The following LRBA variants were observed in gnomAD, a reference collection of about 807,000 sequenced individuals.
LRBA encodes LPS responsive beige-like anchor protein, also known as lipopolysaccharide-responsive and beige-like anchor protein.
In LRBA, 176 loss-of-function variants were observed where a neutral mutation model predicts 330.0. The observed-to-expected ratio is 0.53, with a 90% CI of 0.47 to 0.60. The LOEUF is 0.60. Among genes scored for constraint, LRBA ranks in the 20% least tolerant of loss-of-function variants. The probability of loss-of-function intolerance (pLI) is 0.00; values close to 1 mark genes in which losing one functional copy is unlikely to be tolerated. For missense variants in LRBA, 3,259 were observed against 3,444.8 expected (o/e 0.95, Z 1.35); for synonymous variants, 1,230 against 1,193.0 (o/e 1.03, Z -0.64).
intron 2 of LRBA, among the ~76,000 whole-genome samples, chr4:150,931,348 C>T (rs1200782625): frequency 2.0e-5 from 3 of 151,260 alleles, no homozygotes; most frequent in Non-Finnish European, 4.4e-5. Context: ...ATTAATAATG[C>T]TTGGCTGACG....
At chr4:150,624,301 C>T (rs1405740834) in intron 37 of LRBA, among the ~76,000 whole-genome samples, 1 of 85,288 alleles carries the variant, frequency 1.2e-5, no homozygotes, top group Non-Finnish European at 2.4e-5. Flanking sequence ...CCAAACCCTA[C>T]CTCCCTATCA....
chr4:150,634,732 T>C (rs1394055415), intron 37 of LRBA, among the ~76,000 whole-genome samples: 3 of 152,184 alleles, frequency 2.0e-5, no homozygotes, highest in Non-Finnish European at 2.9e-5. Context: ...TGTTCTGCAG[T>C]GGACAGGCAT....
At chr4:150,849,049 T>A (rs774749407) in intron 25 of LRBA, 51 bp from the exon 26 acceptor site, 123 of 1,239,912 alleles carry the variant, frequency 9.9e-5, no homozygotes, top group African/African-American at 7.9e-4. Flanking sequence ...GAAAAAAAAA[T>A]TTTACCAGAT....
chr4:150,675,830 AT>A (rs1252547782), intron 37 of LRBA, among the ~76,000 whole-genome samples: 1 of 152,182 alleles, frequency 6.6e-6, no homozygotes, highest in Non-Finnish European at 1.5e-5. Context: ...CACTATTATT[AT>A]AATTATTTAA....
chr4:150,335,073 G>A (rs1023365002), intron 48 of LRBA, among the ~76,000 whole-genome samples: 7 of 151,690 alleles, frequency 4.6e-5, no homozygotes, highest in Admixed American at 3.3e-4. Context: ...CAGGTGATCC[G>A]CCTGCCTCGG....
At chr4:150,315,896 C>G (rs1731659342) in intron 50 of LRBA, among the ~76,000 whole-genome samples, 1 of 152,156 alleles carries the variant, frequency 6.6e-6, no homozygotes, top group Non-Finnish European at 1.5e-5. Flanking sequence ...ACCTCTGATG[C>G]TGCAACAAAA....
intron 28 of LRBA, chr4:150,841,116 C>T (rs1478546488): frequency 6.9e-6 from 2 of 288,164 alleles, no homozygotes; most frequent in African/African-American, 2.3e-5. Flanking sequence ...TCTAGACATA[C>T]CCATGTTCTT....
At chr4:150,273,249 ACAAG>A (rs1746360774) in intron 56 of LRBA, among the ~76,000 whole-genome samples, 1 of 152,232 alleles carries the variant, frequency 6.6e-6, no homozygotes, top group African/African-American at 2.4e-5. Context: ...TCCTTTACAG[ACAAG>A]CAAGTGTTGA....
At chr4:150,849,757 T>C (rs1215571800) in intron 24 of LRBA, among the ~76,000 whole-genome samples, 182 bp from the exon 25 acceptor site, 1 of 152,210 alleles carries the variant, frequency 6.6e-6, no homozygotes, top group East Asian at 1.9e-4. Context: ...TCCATATCAG[T>C]AGTTACTATC....
At chr4:150,474,346 T>C (rs1302854496) in intron 42 of LRBA, among the ~76,000 whole-genome samples, 3 of 152,168 alleles carry the variant, frequency 2.0e-5, no homozygotes, top group African/African-American at 7.2e-5. Context: ...CTTTGTACAA[T>C]TACCACAATT....
intron 17 of LRBA, among the ~76,000 whole-genome samples, chr4:150,885,200 CAAAA>C (rs34720483): frequency 2.6e-5 from 3 of 114,504 alleles, no homozygotes; most frequent in Non-Finnish European, 5.3e-5. Flanking sequence ...ACAAGAGTTC[CAAAA>C]AAAAAAAAAA....
chr4:150,346,757 C>CCAAAAAAAAAAAAAAAAAAAAAAAAAA (rs1206950764), intron 48 of LRBA, among the ~76,000 whole-genome samples: 4 of 66,134 alleles, frequency 6.0e-5, no homozygotes, highest in African/African-American at 2.3e-4. Context: ...GACTCTGTCT[C>CCAAAAAAAAAAAAAAAAAAAAAAAAAA]AAAAAAAAAA....
chr4:150,595,402 CT>C, intron 38 of LRBA, among the ~76,000 whole-genome samples: 1 of 152,020 alleles, frequency 6.6e-6, no homozygotes. Context: ...GATTTAAGAT[CT>C]TTACATGATC....
At chr4:150,840,461 A>T (rs1041681211) in intron 28 of LRBA, 4 of 152,186 alleles carry the variant, frequency 2.6e-5, no homozygotes, top group Non-Finnish European at 5.9e-5. Context: ...GTCTCATTTC[A>T]ATATTGTTGT....
chr4:150,474,032 A>G (rs373113936), intron 42 of LRBA, among the ~76,000 whole-genome samples: 3 of 152,160 alleles, frequency 2.0e-5, no homozygotes, highest in Non-Finnish European at 4.4e-5. Flanking sequence ...TTAGTGTCAC[A>G]TCTGAGAACT....
chr4:150,502,821 G>A (rs1295410206), intron 40 of LRBA, among the ~76,000 whole-genome samples: 1 of 152,240 alleles, frequency 6.6e-6, no homozygotes, highest in Middle Eastern at 3.2e-3. Context: ...AGGGGTGACA[G>A]ACGGCACCTG....
At chr4:150,639,783 G>GTATATATATATATATATATATA (rs1778380128) in intron 37 of LRBA, among the ~76,000 whole-genome samples, 2 of 2,992 alleles carry the variant, frequency 6.7e-4, no homozygotes, top group African/African-American at 1.3e-3. Context: ...ATATATATAT[G>GTATATATATATATATATATATA]TGTGTGTGTA....
chr4:150,385,322 C>CA (rs1311903160), intron 47 of LRBA, among the ~76,000 whole-genome samples: 20 of 151,964 alleles, frequency 1.3e-4, no homozygotes, highest in Non-Finnish European at 2.2e-4. Flanking sequence ...ACTTTTAATA[C>CA]AAAAAATCTG....
chr4:150,999,468 G>C (rs1743089215), intron 2 of LRBA, among the ~76,000 whole-genome samples: 1 of 151,134 alleles, frequency 6.6e-6, no homozygotes, highest in Admixed American at 6.6e-5. Context: ...GGTCTATGTT[G>C]CCCAGGCTGG....
Sources: allele counts gnomAD v4.1 joint callset (sites outside exome capture counted in the v4.1 genomes callset), GRCh38; gene constraint gnomAD v4.1.1; transcripts MANE v1.5; gene names NCBI Gene and HGNC (gene_info 2026-07-23, HGNC 2026-07-21).